Variants in RRH observed in about 807,000 individuals in gnomAD.
The protein encoded by RRH is retinal pigment epithelium-derived rhodopsin homolog.
A neutral mutation model predicts 33.1 loss-of-function variants in RRH; 36 were observed. The ratio of observed to expected loss-of-function variants is 1.09; its 90% CI spans 0.83 to 1.44. The LOEUF (loss-of-function observed/expected upper bound fraction) is 1.44, where lower values mean the gene tolerates loss of function less well. Ranked by LOEUF, RRH falls within the 40% of genes most tolerant of loss-of-function variation. RRH has a pLI of 0.00. For synonymous variants in RRH, 124 were observed against 140.2 expected (o/e 0.88, Z 0.82); for missense variants, 393 against 420.2 (o/e 0.94, Z 0.57).
intron 1 of RRH, among the ~76,000 whole-genome samples, chr4:109,831,537 A>C (rs1733750840): frequency 1.3e-5 from 2 of 152,206 alleles, no homozygotes; most frequent in Non-Finnish European, 2.9e-5. Context: ...TAGTTTGGAA[A>C]TTTAGGGAGG....
rs1733908974 is a variant in RRH, at chr4:109,837,526, T to C, written c.641T>C (p.Leu214Pro). The C allele has an allele frequency of 1.2e-6, 2 of 1,613,632 alleles. No individual in the cohort carries two copies. The highest frequency in any genetic ancestry group is 2.7e-5 in the African/African-American group (2 of 74,930). The change falls in exon 5 of 7, where the codon CTA becomes CCA. Residue 214 changes from leucine to proline, a missense_variant. By Grantham distance (98) the Leu-to-Pro change is moderately conservative. Transcript: ENST00000317735. ...VMFYCYYHVTLSIKHHTTSDC... is the reference protein window; with the variant it reads ...VMFYCYYHVTPSIKHHTTSDC... ...TTTTACTGCTATTACCATGTCACGC[T>C]ATCCATTAAACATCACACTACCAGT...
At chr4:109,835,943 C>A in intron 3 of RRH, 64 bp from the exon 4 acceptor site, 1 of 1,590,710 alleles carries the variant, frequency 6.3e-7, no homozygotes, top group Non-Finnish European at 8.6e-7. Flanking sequence ...ACAAATCAAG[C>A]AAGTTTAAAA....
chr4:109,829,498 A>G (rs1317459207), intron 1 of RRH, among the ~76,000 whole-genome samples: 1 of 151,928 alleles, frequency 6.6e-6, no homozygotes, highest in African/African-American at 2.4e-5. Context: ...AAAATATTCT[A>G]TTTAGTTCTT....
rs1579366720 is a variant in RRH at position 109,844,226 on chromosome 4, C to T, written c.*29C>T. The T allele has an allele frequency of 1.4e-6, 2 of 1,393,120 alleles. No individual in the cohort carries two copies. The highest frequency in any genetic ancestry group is 2.0e-6 in the Non-Finnish European group (2 of 979,686). 86.3% of individuals were successfully genotyped at this position (1,393,120 alleles called of 1,614,324 possible). On this transcript the variant is annotated 3_prime_UTR_variant, in exon 7 of 7. Coordinates refer to ENST00000317735, the MANE Select transcript of RRH (RefSeq NM_006583.5). The stretch of plus-strand genomic sequence containing the variant: ...AAGATAAAAGGACACACTATCAAAA[C>T]ACTTTAGTTTTTTGACAATGCTTTT...
Position 109,833,140 on chromosome 4 carries a change from TATG to T in RRH, c.111_113del (p.Met37del), listed in dbSNP as rs1733793203. 3.1e-6 allele frequency: 5 copies of T among 1,610,834 alleles called. No individual in the cohort carries two copies. Among genetic ancestry groups the T allele is most frequent in the Non-Finnish European group, 3.4e-6 (4 of 1,177,156 alleles). On this transcript the variant is annotated inframe_deletion and splice_region_variant, in exon 2 of 7. Transcript: ENST00000317735. ...TCATATTTTTGTGTGTGTTCTCAGG[TATG>T]ATAAGTATTATCAGCAACATAATAG...
At chr4:109,836,205 G>A (rs372265896) in intron 4 of RRH, 45 bp downstream of exon 4, 58 of 1,596,950 alleles carry the variant, frequency 3.6e-5, no homozygotes, top group Non-Finnish European at 4.9e-5. Flanking sequence ...TTCTAATGTA[G>A]ACATTTTCTC....
chr4:109,831,119 G>C (rs1220945630), intron 1 of RRH, among the ~76,000 whole-genome samples: 1 of 152,114 alleles, frequency 6.6e-6, no homozygotes, highest in Non-Finnish European at 1.5e-5. Context: ...AAGACTCCCA[G>C]AATTATAGTT....
chr4:109,843,501 G>A (rs1372408278), intron 6 of RRH, among the ~76,000 whole-genome samples: 2 of 152,182 alleles, frequency 1.3e-5, no homozygotes, highest in Admixed American at 6.5e-5. Flanking sequence ...GAGCCACCGC[G>A]TCCAGCCGAG....
intron 1 of RRH, among the ~76,000 whole-genome samples, chr4:109,831,283 T>C (rs1280686773): frequency 6.6e-6 from 1 of 152,168 alleles, no homozygotes. Flanking sequence ...CAATCCTAGA[T>C]GCTAAAAATA....
At chr4:109,835,339 TAG>T in intron 2 of RRH, 25 bp from the exon 3 acceptor site, 1 of 1,469,598 alleles carries the variant, frequency 6.8e-7, no homozygotes, top group Non-Finnish European at 9.5e-7. Flanking sequence ...TTTAGAATGG[TAG>T]AGTCTTTTCA....
chr4:109,844,169 A>T lies in RRH; in HGVS notation c.986A>T (p.Gln329Leu). The T allele has an allele frequency of 6.2e-7, 1 of 1,607,142 alleles. No individual in the cohort carries two copies. Among genetic ancestry groups the T allele is most frequent in the Non-Finnish European group, 8.5e-7 (1 of 1,173,718 alleles). ...AGTATTTTACCCATGGATGTATCTC[A>T]AAACCCATTGGCTTCTGGAAGAATC... ...VTSILPMDVS[Q>L]NPLASGRI The change falls in exon 7 of 7, where the codon CAA (glutamine) becomes CTA (leucine). Residue 329 changes from glutamine (Q) to leucine (L), a missense_variant. Coordinates refer to ENST00000317735, the MANE Select transcript of RRH (RefSeq NM_006583.5).
Position 109,836,130 on chromosome 4 carries a change from C to T in RRH, c.521C>T (p.Thr174Met), listed in dbSNP as rs764367936. Reference sequence around the variant, plus strand: ...TATGCCCCAGATCCTACTGGTGCTACGTGTACCATAAACTGGAGGAAAAAT... The same window carrying T: ...TATGCCCCAGATCCTACTGGTGCTATGTGTACCATAAACTGGAGGAAAAAT... The part of the protein sequence containing the change: ...ASYAPDPTGA[T>M]CTINWRKNDR... The change falls in exon 4 of 7, where the codon ACG becomes ATG. Residue 174 changes from threonine (T) to methionine (M), a missense_variant. Transcript: ENST00000317735. 5.6e-6 allele frequency: 9 copies of T among 1,614,100 alleles called. No individual in the cohort carries two copies. Among genetic ancestry groups the T allele is most frequent in the South Asian group, 3.3e-5 (3 of 91,080 alleles).
rs769848549 is a variant in RRH at position 109,828,045 on chromosome 4, A to G, written c.18A>G (p.Leu6=). Residue 6 remains leucine (L), a synonymous_variant, in exon 1 of 7, where the codon TTA becomes TTG. Transcript: ENST00000317735. ...CCTCCAAAATGCTAAGAAATAATTT[A>G]GGCAACAGTTCAGACTCTAAAAATG... MLRNN[L]GNSSDSKNED... 6.2e-7 allele frequency: 1 copy of G among 1,610,118 alleles called. No individual in the cohort carries two copies. The highest frequency in any genetic ancestry group is 2.2e-5 in the East Asian group (1 of 44,786).
At position 109,828,061 on chromosome 4, in the gene RRH, T is replaced by C. The variant is rs1733671091; in HGVS notation, c.34T>C (p.Ser12Pro). 6.2e-7 allele frequency: 1 copy of C among 1,612,602 alleles called. No individual in the cohort carries two copies. The highest frequency in any genetic ancestry group is 8.5e-7 in the Non-Finnish European group (1 of 1,178,770). Residue 12 changes from serine (S) to proline (P), a missense_variant, in exon 1 of 7, where the codon TCT (serine) becomes CCT (proline). Physicochemically the swap from Ser to Pro is moderately conservative, Grantham distance 74 (BLOSUM62 -1). Transcript: ENST00000317735. The stretch of plus-strand genomic sequence containing the variant: ...AAATAATTTAGGCAACAGTTCAGAC[T>C]CTAAAAATGAAGATGGCTCGGTCTT... ...LRNNLGNSSD[S>P]KNEDGSVFSQ...
chr4:109,835,829 G>C (rs1733870311), intron 3 of RRH, among the ~76,000 whole-genome samples, 178 bp from the exon 4 acceptor site: 1 of 151,904 alleles, frequency 6.6e-6, no homozygotes. Flanking sequence ...GATAGGCTTA[G>C]TAAAAGGGAG....
chr4:109,844,203 G>T lies in RRH; in HGVS notation c.*6G>T. On this transcript the variant is annotated 3_prime_UTR_variant, in exon 7 of 7. Transcript: ENST00000317735. ...TGGCTTCTGGAAGAATCTGAAATAA[G>T]ATAAAAGGACACACTATCAAAACAC... 2 of 1,559,196 alleles carry T rather than the reference G, an allele frequency of 1.3e-6. No homozygotes were observed. The highest frequency in any genetic ancestry group is 2.2e-5 in the South Asian group (2 of 89,922).
At position 109,835,387 on chromosome 4, in the gene RRH, T is replaced by A; in HGVS notation, c.319T>A (p.Phe107Ile). 6.2e-7 allele frequency: 1 copy of A among 1,614,112 alleles called. No individual in the cohort carries two copies. Among genetic ancestry groups the A allele is most frequent in the Middle Eastern group, 1.6e-4 (1 of 6,062 alleles). ...TCAGGTTTATGCTGGATTGAATATTTTTTTTGGAATGGCAAGCATTGGATT... is the reference window on the plus strand; with the variant it reads ...TCAGGTTTATGCTGGATTGAATATTATTTTTGGAATGGCAAGCATTGGATT... ...GCQVYAGLNI[F>I]FGMASIGLLT... is the part of the protein sequence containing the mutation. The change falls in exon 3 of 7, where the codon TTT becomes ATT. Residue 107 changes from phenylalanine to isoleucine, a missense_variant. Phe to Ile is a conservative substitution (Grantham distance 21, BLOSUM62 0). Transcript: ENST00000317735.
At chr4:109,836,592 G>A (rs960695651) in intron 4 of RRH, among the ~76,000 whole-genome samples, 5 of 152,178 alleles carry the variant, frequency 3.3e-5, no homozygotes, top group African/African-American at 7.2e-5. Context: ...TGAGAACTGC[G>A]TAGCAAAAGC....
At chr4:109,832,339 A>G (rs891077250) in intron 1 of RRH, among the ~76,000 whole-genome samples, 5 of 151,018 alleles carry the variant, frequency 3.3e-5, no homozygotes, top group African/African-American at 4.9e-5. Context: ...AGTGCAACCA[A>G]TCTGGGGCAC....
Sources: allele counts gnomAD v4.1 joint callset (sites outside exome capture counted in the v4.1 genomes callset), GRCh38; gene constraint gnomAD v4.1.1; transcripts MANE v1.5; gene names NCBI Gene and HGNC (gene_info 2026-07-23, HGNC 2026-07-21).